The following ADGRD2 variants were observed in gnomAD, a reference collection of about 807,000 sequenced individuals.
ADGRD2 encodes the protein adhesion G protein-coupled receptor D2.
A neutral mutation model predicts 44.4 loss-of-function variants in ADGRD2; 71 were observed. The ratio of observed to expected loss-of-function variants is 1.60; its 90% CI spans 1.32 to 1.95. ADGRD2 has a LOEUF of 1.95. Ranked by LOEUF, ADGRD2 falls within the 30% of genes most tolerant of loss-of-function variation. The pLI is 0.00. For missense variants in ADGRD2, 1,039 were observed against 512.4 expected (o/e 2.03, Z -9.92); for synonymous variants, 481 against 224.8 (o/e 2.14, Z -10.19).
Position 124,452,634 on chromosome 9 carries a change from G to GC in ADGRD2, c.198dup (p.Asp68Ter). The GC allele has an allele frequency of 2.8e-6, 2 of 718,286 alleles. No individual in the cohort carries two copies. The highest frequency in any genetic ancestry group is 5.2e-6 in the Non-Finnish European group (2 of 385,092). The allele number at this position is 718,286 out of a possible 1,614,324, so 44.5% of individuals were successfully genotyped here. On this transcript the variant is annotated frameshift_variant, in exon 2 of 22. Coordinates refer to ENST00000334810, the Ensembl canonical transcript of ADGRD2. LOFTEE classifies it high-confidence loss of function. ...AGCAGTTTGGCCACTTGGCACTGCA[G>GC]CCCCCTGATGGGGTTCTTGCTTCAC...
At chr9:124,455,262 CTT>C (rs1831593028) in intron 6 of ADGRD2, 135 bp downstream of exon 9, 2 of 572,784 alleles carry the variant, frequency 3.5e-6, no homozygotes, top group Non-Finnish European at 3.1e-6. Context: ...AAAAGCTTCT[CTT>C]TTGTCTATTT....
chr9:124,453,245 G>C (rs1251292461), exon 3 of ADGRD2: 1 of 557,722 alleles, frequency 1.8e-6, no homozygotes, highest in Non-Finnish European at 3.1e-6. Flanking sequence ...GAGCCGGGGG[G>C]CGTCGTGCGC....
At chr9:124,466,011 G>C in intron 10 of ADGRD2, 1 of 324,646 alleles carries the variant, frequency 3.1e-6, no homozygotes, top group African/African-American at 2.1e-5. Context: ...AGGGAACCTT[G>C]GTCCCAGTGG....
At position 124,453,239 on chromosome 9, in the gene ADGRD2, CG is replaced by C. The variant is rs545980674; in HGVS notation, c.492del (p.Gly165AlafsTer100). On this transcript the variant is annotated frameshift_variant, in exon 3 of 22. Coordinates refer to ENST00000334810, the Ensembl canonical transcript of ADGRD2. LOFTEE classifies it high-confidence loss of function. ...CTGCAGCTGCGCGCCTTCGCCGAGC[CG>C]GGGGGCGTCGTGCGCGCTGCGCTGG... 1.2e-5 allele frequency: 7 copies of C among 566,798 alleles called. No individual in the cohort carries two copies. Among genetic ancestry groups the C allele is most frequent in the South Asian group, 4.2e-5 (2 of 47,532 alleles). 35.1% of individuals were successfully genotyped at this position (566,798 alleles called of 1,614,324 possible).
chr9:124,467,868 C>T (rs1368365694), intron 12 of ADGRD2, 44 bp downstream of exon 15: 8 of 716,938 alleles, frequency 1.1e-5, no homozygotes, highest in Non-Finnish European at 2.1e-5. Flanking sequence ...TGGGCCCTCC[C>T]GCCTCGCTCA....
At position 124,468,336 on chromosome 9, in the gene ADGRD2, C is replaced by CGGGAGGAAAGGGCCCT. The variant is rs1362906713; in HGVS notation, c.2233+158_2234-156dup. ...CAGGGCCCGGGGAGGAGCAGGGCCC[C>CGGGAGGAAAGGGCCCT]GGGAGGAAAGGGCCCTGGGAGGAAA... On this transcript the variant is annotated intron_variant, in intron 13 of 21. Coordinates refer to ENST00000334810, the Ensembl canonical transcript of ADGRD2. The CGGGAGGAAAGGGCCCT allele has an allele frequency of 8.3e-5, 56 of 674,700 alleles. No homozygotes were observed. The African/African-American group carries it at 9.2e-4, about 11-fold the overall frequency. The allele number at this position is 674,700 out of a possible 1,614,324, so 41.8% of individuals were successfully genotyped here.
intron 16 of ADGRD2, 72 bp downstream of exon 19, chr9:124,469,619 A>C (rs1407362746): frequency 4.3e-6 from 3 of 701,086 alleles, no homozygotes; most frequent in African/African-American, 3.5e-5. Context: ...CGTGAGGCTC[A>C]CTGGGCGAGA....
intron 10 of ADGRD2, among the ~76,000 whole-genome samples, chr9:124,463,907 A>C (rs973130119): frequency 2.0e-5 from 3 of 152,068 alleles, no homozygotes. Flanking sequence ...GCACCATCAC[A>C]GCTCACTGCG....
At chr9:124,476,371 A>G (rs939350384) in exon 20 of ADGRD2, 12 of 701,784 alleles carry the variant, frequency 1.7e-5, no homozygotes, top group Non-Finnish European at 3.1e-5. Flanking sequence ...CTATGGCCCT[A>G]GAACTCCCTC....
chr9:124,452,558 A>G, exon 2 of ADGRD2: 2 of 718,488 alleles, frequency 2.8e-6, no homozygotes, highest in Non-Finnish European at 5.2e-6. Context: ...GGGGTGTGCA[A>G]GTTCTCTGGA....
rs10635497 is a variant in ADGRD2 at position 124,464,811 on chromosome 9, C to CGTGT, written c.1871-1440_1871-1437dup. ...TGCTCCCACACATGCTGTGTGTGTACGTGTGTGTGTATGTGTTTTCACAAG... is the reference window on the plus strand; with the variant it reads ...TGCTCCCACACATGCTGTGTGTGTACGTGTGTGTGTGTGTATGTGTTTTCACAAG... On this transcript the variant is annotated intron_variant, in intron 10 of 21. Coordinates refer to ENST00000334810, the Ensembl canonical transcript of ADGRD2. Among the ~76,000 whole-genome samples the CGTGT allele has an allele frequency of 7.7e-4, 116 of 151,246 alleles. 1 individual carries two copies. Among genetic ancestry groups the CGTGT allele is most frequent in the East Asian group, 2.3e-3 (12 of 5,142 alleles).
intron 10 of ADGRD2, among the ~76,000 whole-genome samples, chr9:124,463,627 A>G (rs1257057348): frequency 6.6e-6 from 1 of 152,130 alleles, no homozygotes; most frequent in African/African-American, 2.4e-5. Context: ...TGATTGATAT[A>G]GGTTATTTGG....
At chr9:124,477,381 G>A (rs889131945) in intron 21 of ADGRD2, among the ~76,000 whole-genome samples, 1 of 152,238 alleles carries the variant, frequency 6.6e-6, no homozygotes, top group South Asian at 2.1e-4. Context: ...TCCGCCAGGT[G>A]ACTGTTTCCA....
chr9:124,451,164 A>T, upstream of ADGRD2: 1 of 472,346 alleles, frequency 2.1e-6, no homozygotes, highest in Non-Finnish European at 4.4e-6. Flanking sequence ...CTTGGGGAGC[A>T]GGGGAAAGGT....
At chr9:124,473,018 C>G (rs1831981932) in intron 17 of ADGRD2, among the ~76,000 whole-genome samples, 1 of 152,214 alleles carries the variant, frequency 6.6e-6, no homozygotes, top group African/African-American at 2.4e-5. Flanking sequence ...GAGCCCTGTT[C>G]TCTCAGTCAG....
intron 17 of ADGRD2, among the ~76,000 whole-genome samples, chr9:124,471,650 AC>A (rs1831946638): frequency 6.6e-6 from 1 of 152,112 alleles, no homozygotes; most frequent in African/African-American, 2.4e-5. Context: ...GTTCTCAGCC[AC>A]AGGGCATCCA....
At chr9:124,474,298 AGAG>A (rs944171472) in intron 17 of ADGRD2, among the ~76,000 whole-genome samples, 4 of 149,484 alleles carry the variant, frequency 2.7e-5, no homozygotes, top group Admixed American at 6.6e-5. Flanking sequence ...AAAAAAAAAA[AGAG>A]CTCAGATTTT....
chr9:124,474,295 A>G (rs1362510847), intron 17 of ADGRD2, among the ~76,000 whole-genome samples: 1 of 151,416 alleles, frequency 6.6e-6, no homozygotes, highest in Non-Finnish European at 1.5e-5. Context: ...AAAAAAAAAA[A>G]AAAGAGCTCA....
chr9:124,468,748 C>A, intron 14 of ADGRD2, 76 bp downstream of exon 17: 1 of 654,144 alleles, frequency 1.5e-6, no homozygotes, highest in Non-Finnish European at 2.8e-6. Flanking sequence ...TCTAACATGG[C>A]CCCACACCCA....
Sources: gnomAD v4.1 joint callset for allele counts (sites outside exome capture counted in the v4.1 genomes callset) on GRCh38, gnomAD v4.1.1 for gene constraint, MANE v1.5 for transcripts, NCBI Gene and HGNC (gene_info 2026-07-23, HGNC 2026-07-21) for gene names.